Variants in DYTN observed in about 807,000 individuals in gnomAD.
DYTN encodes the protein dystrotelin.
In DYTN, 75 loss-of-function variants were observed where a neutral mutation model predicts 69.6. The observed-to-expected ratio is 1.08, with a 90% CI of 0.89 to 1.31. DYTN has a LOEUF of 1.31. DYTN is among the 50% of genes most tolerant of loss of function. The probability of loss-of-function intolerance (pLI) is 0.00; values close to 1 mark genes in which losing one functional copy is unlikely to be tolerated. For synonymous variants in DYTN, 252 were observed against 249.1 expected, an observed-to-expected ratio of 1.01 and a Z score of -0.11; for missense variants, 726 against 688.4, an observed-to-expected ratio of 1.05 and a Z score of -0.61.
intron 2 of DYTN, among the ~76,000 whole-genome samples, chr2:206,710,104 C>T (rs1700065833): frequency 6.6e-6 from 1 of 152,058 alleles, no homozygotes; most frequent in African/African-American, 2.4e-5. Context: ...ATTATAGGTA[C>T]AACTTGAAAA....
chr2:206,660,829 C>CTA (rs1452606802), intron 11 of DYTN, among the ~76,000 whole-genome samples: 1 of 152,118 alleles, frequency 6.6e-6, no homozygotes, highest in Non-Finnish European at 1.5e-5. Context: ...TGACTTGGTT[C>CTA]TACCAAGTTC....
At chr2:206,710,661 G>T in intron 1 of DYTN, 63 bp from the exon 2 acceptor site, 3 of 1,297,512 alleles carry the variant, frequency 2.3e-6, no homozygotes, top group African/African-American at 1.5e-5. Flanking sequence ...CCCACATCAT[G>T]GAAGGAAATC....
At position 206,695,294 on chromosome 2, in the gene DYTN, T is replaced by A. The variant is rs1178713112; in HGVS notation, c.720-417A>T. 2.6e-5 allele frequency among the ~76,000 whole-genome samples: 4 copies of A among 152,328 alleles called. No individual in the cohort carries two copies. The East Asian group carries it at 7.7e-4, about 29-fold the overall frequency. On this transcript the variant is annotated intron_variant, in intron 7 of 11. Transcript: ENST00000452335. Reference sequence around the variant, plus strand: ...AATTTAAAAATAGATTTCAATAAAATCAAATTTTGGCTTGTCTTAAACTTT... The same window carrying A: ...AATTTAAAAATAGATTTCAATAAAAACAAATTTTGGCTTGTCTTAAACTTT...
intron 9 of DYTN, 115 bp from the exon 10 acceptor site, chr2:206,666,144 G>A: frequency 2.2e-6 from 3 of 1,366,070 alleles, no homozygotes; most frequent in Non-Finnish European, 2.0e-6. Flanking sequence ...GGAAAACCCT[G>A]TGTCTCAACT....
At chr2:206,681,743 A>G (rs1211626572) in intron 9 of DYTN, among the ~76,000 whole-genome samples, 1 of 152,128 alleles carries the variant, frequency 6.6e-6, no homozygotes, top group Non-Finnish European at 1.5e-5. Flanking sequence ...ATTGTGGTGG[A>G]TAAGATTTTC....
chr2:206,673,401 G>T (rs924739337), intron 9 of DYTN, among the ~76,000 whole-genome samples: 1 of 152,076 alleles, frequency 6.6e-6, no homozygotes, highest in African/African-American at 2.4e-5. Context: ...GGGATTACAG[G>T]CACGCACCAC....
At chr2:206,666,739 G>A (rs1046881972) in intron 9 of DYTN, among the ~76,000 whole-genome samples, 4 of 20,956 alleles carry the variant, frequency 1.9e-4, no homozygotes, top group Admixed American at 1.4e-3. Flanking sequence ...ATGGGTGTGC[G>A]TGTGTGTGTG....
At chr2:206,712,279 C>T (rs1013580611) in intron 1 of DYTN, among the ~76,000 whole-genome samples, 4 of 152,046 alleles carry the variant, frequency 2.6e-5, no homozygotes, top group African/African-American at 4.8e-5. Flanking sequence ...CTGATGCAAA[C>T]GAAAGTTTGA....
intron 9 of DYTN, among the ~76,000 whole-genome samples, chr2:206,688,577 C>T (rs545032270): frequency 2.0e-5 from 3 of 152,278 alleles, no homozygotes; most frequent in South Asian, 4.1e-4. Flanking sequence ...TTTTGCCACT[C>T]TGCTTATGTC....
chr2:206,683,665 T>A (rs775208646), intron 9 of DYTN, among the ~76,000 whole-genome samples: 1 of 152,020 alleles, frequency 6.6e-6, no homozygotes, highest in Non-Finnish European at 1.5e-5. Context: ...CTTATTACTC[T>A]CCTTCCTCAT....
intron 11 of DYTN, among the ~76,000 whole-genome samples, chr2:206,660,504 A>T (rs1038249072): frequency 6.6e-6 from 1 of 152,234 alleles, no homozygotes; most frequent in African/African-American, 2.4e-5. Context: ...AAAAATAAAA[A>T]ATAAAAACAA....
At chr2:206,674,776 C>T (rs1225867355) in intron 9 of DYTN, among the ~76,000 whole-genome samples, 2 of 151,726 alleles carry the variant, frequency 1.3e-5, no homozygotes, top group African/African-American at 4.8e-5. Flanking sequence ...TGAAATACTT[C>T]CAATAAGAAA....
Position 206,663,219 on chromosome 2 carries a change from A to T in DYTN, c.1317T>A (p.Ser439Arg). ...PLPKLDEVDR[S>R]HRSHTNAEHA... ...GCTCTGCATTTGTGTGACTTCTGTG[A>T]CTTCTGTCAACCTCATCAAGCTTAG... is the stretch of plus-strand genomic sequence containing the variant. Residue 439 changes from serine to arginine, a missense_variant, in exon 11 of 12, where the codon AGT becomes AGA. Ser to Arg is a moderately radical substitution (Grantham distance 110). Transcript: ENST00000452335. 2 of 1,613,922 alleles carry T rather than the reference A, an allele frequency of 1.2e-6. No individual in the cohort carries two copies. Among genetic ancestry groups the T allele is most frequent in the Non-Finnish European group, 1.7e-6 (2 of 1,179,882 alleles).
At chr2:206,662,489 A>C (rs747130970) in intron 11 of DYTN, among the ~76,000 whole-genome samples, 1 of 152,132 alleles carries the variant, frequency 6.6e-6, no homozygotes, top group Non-Finnish European at 1.5e-5. Context: ...AATAATGATA[A>C]TACTACTTAT....
intron 9 of DYTN, among the ~76,000 whole-genome samples, chr2:206,689,319 T>C (rs1248288100): frequency 6.6e-6 from 1 of 152,224 alleles, no homozygotes; most frequent in Non-Finnish European, 1.5e-5. Context: ...TCTTAGAAGA[T>C]GGTCAGTGCT....
At chr2:206,716,287 T>C (rs575196874) in intron 1 of DYTN, among the ~76,000 whole-genome samples, 43 of 152,144 alleles carry the variant, frequency 2.8e-4, no homozygotes, top group Admixed American at 2.4e-3. Context: ...CAGAGGGGAT[T>C]AGAGTGCTGA....
intron 9 of DYTN, among the ~76,000 whole-genome samples, chr2:206,680,608 G>T (rs959372801): frequency 6.6e-6 from 1 of 152,148 alleles, no homozygotes; most frequent in Non-Finnish European, 1.5e-5. Flanking sequence ...ATGTTCTGCA[G>T]AATGTTCGTA....
At chr2:206,693,107 G>A (rs1443451050) in intron 9 of DYTN, 68 bp downstream of exon 9, 6 of 1,502,950 alleles carry the variant, frequency 4.0e-6, no homozygotes, top group African/African-American at 1.4e-5. Context: ...ATTGCTGGCC[G>A]GTTACCATAA....
intron 5 of DYTN, among the ~76,000 whole-genome samples, chr2:206,702,273 A>G (rs143829943): frequency 1.1e-3 from 161 of 152,376 alleles, no homozygotes; most frequent in South Asian, 4.1e-3. Context: ...CCATTTGGTC[A>G]CGGGTCCTAA....
Sources: allele counts gnomAD v4.1 joint callset (sites outside exome capture counted in the v4.1 genomes callset), GRCh38; gene constraint gnomAD v4.1.1; transcripts MANE v1.5; gene names NCBI Gene and HGNC (gene_info 2026-07-23, HGNC 2026-07-21).